ARID3B: variants seen among roughly 807,000 people sequenced by gnomAD.
The protein encoded by ARID3B is AT-rich interactive domain-containing protein 3B.
A neutral mutation model predicts 51.9 loss-of-function variants in ARID3B; 10 were observed. The ratio of observed to expected loss-of-function variants is 0.19; its 90% CI spans 0.12 to 0.33. The LOEUF is 0.33. Ranked by LOEUF, ARID3B falls within the 10% of genes least tolerant of loss-of-function variation. ARID3B has a pLI of 1.00. For synonymous variants in ARID3B, 205 were observed against 279.5 expected (o/e 0.73, Z 2.66); for missense variants, 483 against 716.3 (o/e 0.67, Z 3.72).
chr15:74,569,320 T>C (rs749452509), intron 2 of ARID3B, among the ~76,000 whole-genome samples: 1 of 152,174 alleles, frequency 6.6e-6, no homozygotes, highest in African/African-American at 2.4e-5. Flanking sequence ...TTTTAGCAGA[T>C]ATATCGGTGC....
chr15:74,573,798 A>G (rs4887160), intron 4 of ARID3B: 38,139 of 153,098 alleles, frequency 0.25, 6,387 homozygotes, highest in East Asian at 0.55. Flanking sequence ...CTGGAGTGCC[A>G]TGGTGTGATC....
intron 2 of ARID3B, among the ~76,000 whole-genome samples, chr15:74,565,063 G>A (rs1200552366): frequency 2.7e-5 from 4 of 149,776 alleles, no homozygotes; most frequent in Non-Finnish European, 5.9e-5. Context: ...TTATTTTTTT[G>A]AAATAGGGTC....
intron 4 of ARID3B, among the ~76,000 whole-genome samples, chr15:74,588,690 G>A (rs958901183): frequency 1.3e-5 from 2 of 152,010 alleles, no homozygotes; most frequent in African/African-American, 2.4e-5. Flanking sequence ...CATCCCAGCC[G>A]GCTGTGAAAG....
At chr15:74,570,138 G>A (rs2061713743) in intron 2 of ARID3B, among the ~76,000 whole-genome samples, 1 of 152,032 alleles carries the variant, frequency 6.6e-6, no homozygotes, top group African/African-American at 2.4e-5. Context: ...ACACTTAGTG[G>A]GCTCTGTGCA....
At chr15:74,578,075 T>A (rs2061744399) in intron 4 of ARID3B, among the ~76,000 whole-genome samples, 1 of 151,770 alleles carries the variant, frequency 6.6e-6, no homozygotes, top group Admixed American at 6.6e-5. Flanking sequence ...CAGGCTGGTC[T>A]CAAACTCCTG....
chr15:74,597,256 C>T lies in ARID3B; in HGVS notation c.*1482C>T, dbSNP rs895448408. 15 of 377,396 alleles carry T rather than the reference C, an allele frequency of 4.0e-5. No individual in the cohort carries two copies. Among genetic ancestry groups the T allele is most frequent in the Non-Finnish European group, 5.9e-5 (12 of 202,288 alleles). 23.4% of individuals were successfully genotyped at this position (377,396 alleles called of 1,614,324 possible). The stretch of plus-strand genomic sequence containing the variant: ...GCTGTAAAGAAAATTGATTCGCTTG[C>T]GGCTCACCTCAGTCGAGGAAGCCCT... On this transcript the variant is annotated 3_prime_UTR_variant, in exon 9 of 9. Coordinates refer to ENST00000346246, the MANE Select transcript of ARID3B (RefSeq NM_006465.4).
intron 2 of ARID3B, among the ~76,000 whole-genome samples, chr15:74,554,989 T>C (rs1178712928): frequency 6.6e-6 from 1 of 152,160 alleles, no homozygotes; most frequent in Non-Finnish European, 1.5e-5. Flanking sequence ...GTTTTATTGC[T>C]CTTGAATGTT....
Position 74,597,501 on chromosome 15 carries a change from T to TCC in ARID3B, c.*1729_*1730dup. ...GCCCTCCACACACACTCACCCCCAC[T>TCC]CCCACACACATACACACACACACAC... On this transcript the variant is annotated 3_prime_UTR_variant, in exon 9 of 9. Transcript: ENST00000346246. The TCC allele has an allele frequency of 1.9e-6, 1 of 534,506 alleles. No homozygotes were observed. Among genetic ancestry groups the TCC allele is most frequent in the Non-Finnish European group, 3.6e-6 (1 of 276,468 alleles). The allele number at this position is 534,506 out of a possible 1,614,324, so 33.1% of individuals were successfully genotyped here. A position where few individuals can be genotyped will look rare whatever the true frequency, so the allele number is the denominator to read the frequency against.
chr15:74,562,635 AG>A (rs1265853033), intron 2 of ARID3B, among the ~76,000 whole-genome samples: 1 of 152,232 alleles, frequency 6.6e-6, no homozygotes, highest in Non-Finnish European at 1.5e-5. Context: ...TACAGGCACG[AG>A]CCACCTCACC....
At chr15:74,542,818 T>C (rs2061599680) in intron 1 of ARID3B, among the ~76,000 whole-genome samples, 1 of 152,026 alleles carries the variant, frequency 6.6e-6, no homozygotes, top group Admixed American at 6.6e-5. Context: ...AAGTGAAGTT[T>C]GTTGGGGGTG....
intron 2 of ARID3B, among the ~76,000 whole-genome samples, chr15:74,566,193 TCAGATTTTCAATACC>T (rs2061697579): frequency 6.6e-6 from 1 of 152,130 alleles, no homozygotes; most frequent in Non-Finnish European, 1.5e-5. Flanking sequence ...GCTTTCCCTC[TCAGATTTTCAATACC>T]ATTTACAAAA....
chr15:74,560,042 C>A (rs867813732), intron 2 of ARID3B, among the ~76,000 whole-genome samples: 144 of 3,938 alleles, frequency 0.037, no homozygotes, highest in Middle Eastern at 0.071. Context: ...AAAAAAAAAA[C>A]CACACACACA....
chr15:74,582,543 C>A (rs955241668), intron 4 of ARID3B, among the ~76,000 whole-genome samples: 14 of 152,112 alleles, frequency 9.2e-5, no homozygotes, highest in African/African-American at 3.4e-4. Flanking sequence ...GAGATTAGTC[C>A]AAGCTGGAGT....
In ARID3B at chr15:74,591,958, GA is replaced by G; in HGVS notation, c.1420+146del. The G allele has an allele frequency of 7.5e-7, 1 of 1,337,428 alleles. No homozygotes were observed. The highest frequency in any genetic ancestry group is 1.0e-6 in the Non-Finnish European group (1 of 991,676). 82.8% of individuals were successfully genotyped at this position (1,337,428 alleles called of 1,614,324 possible). On this transcript the variant is annotated intron_variant, in intron 7 of 8. Transcript: ENST00000346246. This position sits in a 1 kb window ranked among gnomAD's most constrained non-coding sequence, Gnocchi z 5.8. Reference sequence around the variant, plus strand: ...CCAGGTTCTGCCTTCCAGGCCCCTAGAAGAGAGGCACTGAGATCTTAGTTCA... The same window carrying G: ...CCAGGTTCTGCCTTCCAGGCCCCTAGAGAGAGGCACTGAGATCTTAGTTCA...
chr15:74,552,400 G>C (rs374206691), intron 2 of ARID3B, among the ~76,000 whole-genome samples: 1 of 136,038 alleles, frequency 7.4e-6, no homozygotes, highest in African/African-American at 2.8e-5. Flanking sequence ...TCTCCACGTT[G>C]GTCAGGCTGG....
Position 74,598,064 on chromosome 15 carries a change from G to A in ARID3B, c.*2290G>A. 1 of 525,126 alleles carries A rather than the reference G, an allele frequency of 1.9e-6. No individual in the cohort carries two copies. The highest frequency in any genetic ancestry group is 4.1e-5 in the East Asian group (1 of 24,622). 32.5% of individuals were successfully genotyped at this position (525,126 alleles called of 1,614,324 possible). On this transcript the variant is annotated 3_prime_UTR_variant, in exon 9 of 9. Coordinates refer to ENST00000346246, the MANE Select transcript of ARID3B (RefSeq NM_006465.4). ...CTCCTGCAGCAAGTGTCTATATGTTGTGGTTATTTTCTATCTTACATGTTC... is the reference window on the plus strand; with the variant it reads ...CTCCTGCAGCAAGTGTCTATATGTTATGGTTATTTTCTATCTTACATGTTC...
chr15:74,562,020 G>A (rs1312740885), intron 2 of ARID3B, among the ~76,000 whole-genome samples: 2 of 142,196 alleles, frequency 1.4e-5, no homozygotes, highest in African/African-American at 2.6e-5. Flanking sequence ...CAGCCCTGGC[G>A]ACAGAGCAAG....
chr15:74,552,155 G>A (rs369884320), intron 2 of ARID3B, among the ~76,000 whole-genome samples: 4 of 138,440 alleles, frequency 2.9e-5, no homozygotes, highest in South Asian at 2.4e-4. Context: ...TCCGCCTCCC[G>A]GGTTCAAGCG....
Position 74,591,111 on chromosome 15 carries a change from T to C in ARID3B, c.882-40T>C. 1 of 1,550,190 alleles carries C rather than the reference T, an allele frequency of 6.5e-7. No homozygotes were observed. The highest frequency in any genetic ancestry group is 8.7e-7 in the Non-Finnish European group (1 of 1,143,412). On this transcript the variant is annotated intron_variant, in intron 5 of 8. Transcript: ENST00000346246. The surrounding 1 kb of genome is among the most constrained non-coding windows in gnomAD (Gnocchi z 5.8). The stretch of plus-strand genomic sequence containing the variant: ...ACCTCAACTGGGTGGTCTCTGGTGC[T>C]GTTTTGGATTATTCTCCCTGCTTGC...
Sources: gnomAD v4.1 joint callset for allele counts (sites outside exome capture counted in the v4.1 genomes callset) on GRCh38, gnomAD v4.1.1 for gene constraint, Gnocchi (gnomAD v3.1) non-coding constraint, MANE v1.5 for transcripts, NCBI Gene and HGNC (gene_info 2026-07-23, HGNC 2026-07-21) for gene names.